The following CACTIN variants were observed in gnomAD, a reference collection of about 807,000 sequenced individuals.
CACTIN encodes cactin, spliceosome C complex subunit, also known as splicing factor Cactin.
A neutral mutation model predicts 84.9 loss-of-function variants in CACTIN; 20 were observed. The ratio of observed to expected loss-of-function variants is 0.24; its 90% CI spans 0.17 to 0.34. CACTIN has a LOEUF of 0.34. Among genes scored for constraint, CACTIN ranks in the 10% least tolerant of loss-of-function variants. The probability of loss-of-function intolerance (pLI) is 1.00; values close to 1 mark genes in which losing one functional copy is unlikely to be tolerated. For synonymous variants in CACTIN, 549 were observed against 467.9 expected (o/e 1.17, Z -2.24); for missense variants, 897 against 1,117.2 (o/e 0.80, Z 2.81).
rs781522490 is a variant in CACTIN, at chr19:3,620,749, C to T, written c.696G>A (p.Arg232=). The change falls in exon 3 of 10, where the codon CGG becomes CGA. Residue 232 remains arginine, a synonymous_variant. Transcript: ENST00000429344. ...SHLEEKELKE[R]NKRIQEDNRL... ...GGTTGTCCTCCTGGATCCTCTTGTT[C>T]CGCTCCTTCAGCTCCTTCTCCTCCA... The T allele has an allele frequency of 2.5e-6, 4 of 1,613,448 alleles. No individual in the cohort carries two copies. The highest frequency in any genetic ancestry group is 4.5e-5 in the East Asian group (2 of 44,888).
At chr19:3,620,911 T>G in intron 2 of CACTIN, 109 bp from the exon 3 acceptor site, 1 of 839,946 alleles carries the variant, frequency 1.2e-6, no homozygotes, top group South Asian at 1.4e-5. Context: ...CAGAGAGAGG[T>G]GACCTGCCAG....
intron 1 of CACTIN, among the ~76,000 whole-genome samples, chr19:3,625,152 A>C (rs957717013): frequency 6.6e-6 from 1 of 152,134 alleles, no homozygotes; most frequent in Non-Finnish European, 1.5e-5. Context: ...TCAGCCTCCC[A>C]AAGTGTTGGG....
At chr19:3,619,378 T>TGGAGGAGGA in intron 4 of CACTIN, 136 bp from the exon 5 acceptor site, 7 of 1,009,692 alleles carry the variant, frequency 6.9e-6, no homozygotes, top group Non-Finnish European at 1.0e-5. Context: ...GAAGGCTTCC[T>TGGAGGAGGA]GGAGGAGGAG....
rs1000774915 is a variant in CACTIN at position 3,611,498 on chromosome 19, C to T, written c.*425G>A. 8 of 369,206 alleles carry T rather than the reference C, an allele frequency of 2.2e-5. No individual in the cohort carries two copies. The highest frequency in any genetic ancestry group is 1.5e-4 in the African/African-American group (7 of 46,724). The allele number at this position is 369,206 out of a possible 1,614,324, so 22.9% of individuals were successfully genotyped here. ...TTCCTGCTTCTCACGAGCCTGGCAC[C>T]GCCAAGCCCAGGCCCCTCTGGCCCA... is the stretch of plus-strand genomic sequence containing the variant. On this transcript the variant is annotated 3_prime_UTR_variant, in exon 10 of 10. Coordinates refer to ENST00000429344, the MANE Select transcript of CACTIN (RefSeq NM_001080543.2).
At position 3,610,727 on chromosome 19, in the gene CACTIN, C is replaced by A; in HGVS notation, c.*1196G>T. On this transcript the variant is annotated 3_prime_UTR_variant, in exon 10 of 10. Transcript: ENST00000429344. ...CCATGAGAACAAAAGATTTTTTTTCCCACCTACAAGTCTTTTTAGAGAAAC... is the reference window on the plus strand; with the variant it reads ...CCATGAGAACAAAAGATTTTTTTTCACACCTACAAGTCTTTTTAGAGAAAC... The A allele has an allele frequency of 2.2e-6, 1 of 456,046 alleles. No homozygotes were observed. The allele number at this position is 456,046 out of a possible 1,614,324, so 28.2% of individuals were successfully genotyped here.
At position 3,614,780 on chromosome 19, in the gene CACTIN, G is replaced by A. The variant is rs2033068390; in HGVS notation, c.1163-191C>T. 15 of 610,330 alleles carry A rather than the reference G, an allele frequency of 2.5e-5. No homozygotes were observed. The South Asian group carries it at 2.9e-4, about 12-fold the overall frequency. 37.8% of individuals were successfully genotyped at this position (610,330 alleles called of 1,614,324 possible). ...CTGGCCACAGCGGAGGGGAGGGGGT[G>A]GGCGGAGGTTGGGAGCCACGTTAAG... On this transcript the variant is annotated intron_variant, in intron 6 of 9. Coordinates refer to ENST00000429344, the MANE Select transcript of CACTIN (RefSeq NM_001080543.2).
In CACTIN at chr19:3,613,046, C is replaced by T. The variant is rs1041858669; in HGVS notation, c.1786+12G>A. ...ACTGGCCCCACCCCCTGGCCTCCAG[C>T]CCCGCCCTTACCCGTGACCTGGAGC... On this transcript the variant is annotated intron_variant, in intron 9 of 9. Coordinates refer to ENST00000429344, the MANE Select transcript of CACTIN (RefSeq NM_001080543.2). 6 of 1,517,898 alleles carry T rather than the reference C, an allele frequency of 4.0e-6. No individual in the cohort carries two copies. The African/African-American group carries it at 8.2e-5, about 21-fold the overall frequency. 94.0% of individuals were successfully genotyped at this position (1,517,898 alleles called of 1,614,324 possible).
rs1346221977 is a variant in CACTIN, at chr19:3,611,971, G to A, written c.2229C>T (p.Gly743=). ...TGAAGTGAAACCACAGCTGGAAGAT[G>A]CCGTTGGCAAACTGGCAGCGGAAGC... ...RHGFRCQFAN[G]IFQLWFHFKR... The change falls in exon 10 of 10, where the codon GGC becomes GGT. Residue 743 remains glycine, a synonymous_variant. Transcript: ENST00000429344. 6.2e-7 allele frequency: 1 copy of A among 1,613,668 alleles called. No homozygotes were observed. The highest frequency in any genetic ancestry group is 8.5e-7 in the Non-Finnish European group (1 of 1,179,880).
chr19:3,612,599 C>T (rs1418435662), intron 9 of CACTIN, among the ~76,000 whole-genome samples, 186 bp from the exon 10 acceptor site: 6 of 152,344 alleles, frequency 3.9e-5, no homozygotes, highest in African/African-American at 1.4e-4. Flanking sequence ...CCGCCCCGAG[C>T]CCCGGACCTT....
At chr19:3,617,597 C>A (rs1050453527) in intron 6 of CACTIN, among the ~76,000 whole-genome samples, 1 of 151,264 alleles carries the variant, frequency 6.6e-6, no homozygotes, top group Admixed American at 6.6e-5. Context: ...AGAGGCCGGG[C>A]CCAGGGCAAC....
In CACTIN at chr19:3,610,722, T is replaced by G. The variant is rs2032926665; in HGVS notation, c.*1201A>C. ...CAATTCCATGAGAACAAAAGATTTTTTTTCCCACCTACAAGTCTTTTTAGA... is the reference window on the plus strand; with the variant it reads ...CAATTCCATGAGAACAAAAGATTTTGTTTCCCACCTACAAGTCTTTTTAGA... On this transcript the variant is annotated 3_prime_UTR_variant, in exon 10 of 10. Coordinates refer to ENST00000429344, the MANE Select transcript of CACTIN (RefSeq NM_001080543.2). The G allele has an allele frequency of 2.2e-6, 1 of 456,880 alleles. No homozygotes were observed. The highest frequency in any genetic ancestry group is 4.4e-6 in the Non-Finnish European group (1 of 227,028). 28.3% of individuals were successfully genotyped at this position (456,880 alleles called of 1,614,324 possible).
rs371323853 is a variant in CACTIN at position 3,613,160 on chromosome 19, G to A, written c.1684C>T (p.Arg562Trp). The change falls in exon 9 of 10, where the codon CGG becomes TGG. Residue 562 changes from arginine (R) to tryptophan (W), a missense_variant. Coordinates refer to ENST00000429344, the MANE Select transcript of CACTIN (RefSeq NM_001080543.2). ...GGCAGCTCGTGCGCCGTGAGCAGCC[G>A]CGGGCTGTACCTGCCGGCGTCGTAG... Reference protein sequence around the residue: ...DDYDAGRYSPRLLTAHELPLD... With the variant: ...DDYDAGRYSPWLLTAHELPLD... The A allele has an allele frequency of 4.2e-5, 68 of 1,610,210 alleles. No homozygotes were observed. The highest frequency in any genetic ancestry group is 5.4e-5 in the Non-Finnish European group (64 of 1,179,318).
intron 3 of CACTIN, 67 bp downstream of exon 3, chr19:3,620,640 C>T (rs2033203915): frequency 7.5e-7 from 1 of 1,342,108 alleles, no homozygotes; most frequent in East Asian, 2.3e-5. Flanking sequence ...CAAGTCCTGC[C>T]AAAGGGGGCG....
chr19:3,624,015 G>A lies in CACTIN; in HGVS notation c.315C>T (p.Arg105=), dbSNP rs111701712. The part of the protein sequence containing the change: ...SRGQWARRRR[R]ARSWSPSSSA... ...AGGAGCTAGGAGACCACGAGCGTGC[G>A]CGCCGTCGCCGGCGAGCCCACTGGC... Residue 105 remains arginine, a synonymous_variant, in exon 2 of 10, where the codon CGC becomes CGT. Transcript: ENST00000429344. The A allele has an allele frequency of 7.5e-5, 121 of 1,605,642 alleles. No individual in the cohort carries two copies. The highest frequency in any genetic ancestry group is 4.1e-4 in the African/African-American group (31 of 75,066).
At chr19:3,620,022 G>T in intron 4 of CACTIN, 105 bp downstream of exon 4, 1 of 1,362,282 alleles carries the variant, frequency 7.3e-7, no homozygotes, top group Non-Finnish European at 1.0e-6. Context: ...AGGAAGTGCC[G>T]TGTGGGACCC....
chr19:3,612,379 G>A lies in CACTIN; in HGVS notation c.1821C>T (p.Phe607=). 1.2e-6 allele frequency: 2 copies of A among 1,605,042 alleles called. No homozygotes were observed. The highest frequency in any genetic ancestry group is 1.7e-6 in the Non-Finnish European group (2 of 1,177,308). ...GGCCCATGCCCTCCTTGGCCCGCCGGAAGAAGATGTCCTCGGCGCTCTCGC... is the reference window on the plus strand; with the variant it reads ...GGCCCATGCCCTCCTTGGCCCGCCGAAAGAAGATGTCCTCGGCGCTCTCGC... The part of the protein sequence containing the change: ...DASESAEDIF[F]RRAKEGMGQD... Residue 607 remains phenylalanine (F), a synonymous_variant, in exon 10 of 10, where the codon TTC becomes TTT. Coordinates refer to ENST00000429344, the MANE Select transcript of CACTIN (RefSeq NM_001080543.2).
At chr19:3,617,626 T>A (rs559482466) in intron 6 of CACTIN, among the ~76,000 whole-genome samples, 1 of 150,940 alleles carries the variant, frequency 6.6e-6, no homozygotes, top group African/African-American at 2.5e-5. Context: ...CGCCTCCCAG[T>A]CTTACAGGAG....
intron 1 of CACTIN, among the ~76,000 whole-genome samples, chr19:3,625,345 A>G (rs1033430348): frequency 6.6e-6 from 1 of 152,250 alleles, no homozygotes; most frequent in Non-Finnish European, 1.5e-5. Context: ...TTTCGTGAAC[A>G]TTAATTCTAA....
rs1332727912 is a variant in CACTIN, at chr19:3,620,602, G to A, written c.738+105C>T. The A allele has an allele frequency of 4.6e-6, 4 of 871,676 alleles. No individual in the cohort carries two copies. In the African/African-American group the frequency reaches 6.8e-5, roughly 15 times the overall value. 54.0% of individuals were successfully genotyped at this position (871,676 alleles called of 1,614,324 possible). A position where few individuals can be genotyped will look rare whatever the true frequency, so the allele number is the denominator to read the frequency against. ...CTGGATCCAGCCTTACCTGAAGCCA[G>A]CCCCCAGGACTTCCCACTTAAGCCC... On this transcript the variant is annotated intron_variant, in intron 3 of 9. Transcript: ENST00000429344.
Sources: allele counts gnomAD v4.1 joint callset (sites outside exome capture counted in the v4.1 genomes callset), GRCh38; gene constraint gnomAD v4.1.1; transcripts MANE v1.5; gene names NCBI Gene and HGNC (gene_info 2026-07-23, HGNC 2026-07-21).